Variants in PRKRIP1 observed in about 807,000 individuals in gnomAD.
The protein encoded by PRKRIP1 is PRKR-interacting protein 1.
Under a neutral mutation model 29.3 loss-of-function variants are expected in PRKRIP1, and 29 were observed. That is an observed-to-expected ratio of 0.99 (90% confidence interval 0.74 to 1.35). The LOEUF (loss-of-function observed/expected upper bound fraction) is 1.35, where lower values mean the gene tolerates loss of function less well. Among genes scored for constraint, PRKRIP1 ranks in the 40% most tolerant of loss-of-function variants. PRKRIP1 has a pLI of 0.00. For synonymous variants in PRKRIP1, 90 were observed against 85.1 expected, an observed-to-expected ratio of 1.06 and a Z score of -0.32; for missense variants, 247 against 236.8, an observed-to-expected ratio of 1.04 and a Z score of -0.28.
chr7:102,411,831 G>A (rs1365211376), intron 5 of PRKRIP1, among the ~76,000 whole-genome samples: 2 of 147,424 alleles, frequency 1.4e-5, no homozygotes, highest in South Asian at 4.3e-4. Context: ...TGTTTGTTTT[G>A]TTTTTAGGTA....
chr7:102,422,148 T>A (rs1244292185), intron 5 of PRKRIP1, among the ~76,000 whole-genome samples: 2 of 133,354 alleles, frequency 1.5e-5, no homozygotes, highest in African/African-American at 6.0e-5. Flanking sequence ...CACAAAATTA[T>A]TATTATTATT....
At chr7:102,412,865 C>T (rs1796426676) in intron 5 of PRKRIP1, among the ~76,000 whole-genome samples, 1 of 152,138 alleles carries the variant, frequency 6.6e-6, no homozygotes, top group South Asian at 2.1e-4. Context: ...GGAAGACTCC[C>T]GGCAGTGTGG....
intron 5 of PRKRIP1, among the ~76,000 whole-genome samples, chr7:102,421,425 G>A (rs1464262574): frequency 6.6e-6 from 1 of 151,862 alleles, no homozygotes; most frequent in Non-Finnish European, 1.5e-5. Flanking sequence ...CACACCCATA[G>A]TCTCAGCTAC....
intron 4 of PRKRIP1, among the ~76,000 whole-genome samples, chr7:102,405,363 G>T (rs1199511978): frequency 6.6e-6 from 1 of 152,184 alleles, no homozygotes; most frequent in Non-Finnish European, 1.5e-5. Context: ...GTTTACATAA[G>T]TGGTCTCTCA....
Position 102,399,800 on chromosome 7 carries a change from G to A in PRKRIP1, c.306+152G>A, listed in dbSNP as rs559021619. 4 of 593,120 alleles carry A rather than the reference G, an allele frequency of 6.7e-6. No homozygotes were observed. The African/African-American group carries it at 7.5e-5, about 11-fold the overall frequency. 36.7% of individuals were successfully genotyped at this position (593,120 alleles called of 1,614,324 possible). On this transcript the variant is annotated intron_variant, in intron 3 of 5. Coordinates refer to ENST00000397912, the MANE Select transcript of PRKRIP1 (RefSeq NM_024653.4). ...CCGAGGCAGGGGATCACCTGAGGTC[G>A]GGAGTTTGAGACCAGCCTGACCAAC... is the stretch of plus-strand genomic sequence containing the variant.
chr7:102,422,358 A>G (rs1352170532), intron 5 of PRKRIP1, among the ~76,000 whole-genome samples: 1 of 145,276 alleles, frequency 6.9e-6, no homozygotes, highest in Non-Finnish European at 1.5e-5. Flanking sequence ...TTTTTCTGAG[A>G]CAGAGTTTCA....
At chr7:102,412,181 T>G (rs1443880837) in intron 5 of PRKRIP1, among the ~76,000 whole-genome samples, 1 of 152,134 alleles carries the variant, frequency 6.6e-6, no homozygotes, top group Non-Finnish European at 1.5e-5. Flanking sequence ...CCTGAACATA[T>G]TAAAAAATGG....
chr7:102,404,384 T>G, intron 3 of PRKRIP1: 3 of 524,654 alleles, frequency 5.7e-6, no homozygotes, highest in Middle Eastern at 5.2e-4. Flanking sequence ...CTCAGTCAAC[T>G]AAAAGAGTTA....
At chr7:102,403,646 G>A (rs1044966027) in intron 3 of PRKRIP1, among the ~76,000 whole-genome samples, 2 of 152,160 alleles carry the variant, frequency 1.3e-5, no homozygotes, top group Non-Finnish European at 2.9e-5. Flanking sequence ...CAAAGTACTG[G>A]GATTACAGGC....
At chr7:102,411,216 A>G (rs1740440458) in intron 5 of PRKRIP1, among the ~76,000 whole-genome samples, 1 of 152,158 alleles carries the variant, frequency 6.6e-6, no homozygotes, top group African/African-American at 2.4e-5. Flanking sequence ...GGCCTGTGCC[A>G]CCACCCTCAG....
At chr7:102,410,231 C>T (rs2133184715) in intron 5 of PRKRIP1, among the ~76,000 whole-genome samples, 1 of 152,272 alleles carries the variant, frequency 6.6e-6, no homozygotes. Context: ...TGGGCATGTG[C>T]ACTGCTCTGG....
At chr7:102,398,527 C>T (rs1015789919) in intron 2 of PRKRIP1, among the ~76,000 whole-genome samples, 3 of 152,014 alleles carry the variant, frequency 2.0e-5, no homozygotes, top group African/African-American at 2.4e-5. Flanking sequence ...TCAGGTGATC[C>T]GCCCGCCTCA....
chr7:102,425,522 G>T lies in PRKRIP1; in HGVS notation c.*411G>T, dbSNP rs189934783. On this transcript the variant is annotated 3_prime_UTR_variant, in exon 6 of 6. Transcript: ENST00000397912. ...GGCTGAGATGCCACCATTCCCACGG[G>T]GACTGAAGACACATTACGTGGACCT... is the stretch of plus-strand genomic sequence containing the variant. 3.7e-5 allele frequency: 11 copies of T among 295,398 alleles called. No individual in the cohort carries two copies. The East Asian group carries it at 1.4e-3, about 39-fold the overall frequency. The allele number at this position is 295,398 out of a possible 1,614,324, so 18.3% of individuals were successfully genotyped here.
intron 5 of PRKRIP1, among the ~76,000 whole-genome samples, chr7:102,415,846 G>A (rs1796521135): frequency 6.6e-6 from 1 of 152,242 alleles, no homozygotes. Flanking sequence ...AACCCTGTCA[G>A]CAGCCCCAGT....
chr7:102,413,563 A>G (rs1554572745), intron 5 of PRKRIP1, among the ~76,000 whole-genome samples: 1 of 152,192 alleles, frequency 6.6e-6, no homozygotes, highest in Non-Finnish European at 1.5e-5. Context: ...GGAATTTGAG[A>G]CCAGTGTGGG....
At chr7:102,401,589 C>T (rs1026541861) in intron 3 of PRKRIP1, among the ~76,000 whole-genome samples, 3 of 152,106 alleles carry the variant, frequency 2.0e-5, no homozygotes, top group Non-Finnish European at 2.9e-5. Context: ...CAAAATTAGC[C>T]GGGCGTGGTG....
At chr7:102,406,953 C>T (rs1796243219) in intron 4 of PRKRIP1, among the ~76,000 whole-genome samples, 1 of 151,554 alleles carries the variant, frequency 6.6e-6, no homozygotes, top group African/African-American at 2.4e-5. Flanking sequence ...TGGTGGCTCA[C>T]ACCCGTAATC....
intron 5 of PRKRIP1, among the ~76,000 whole-genome samples, chr7:102,424,069 G>A (rs113370378): frequency 0.012 from 1,853 of 152,390 alleles, 30 homozygotes; most frequent in Admixed American, 0.031. Flanking sequence ...TTTCGCCAGC[G>A]CCGTGCGTGT....
At chr7:102,406,829 C>T (rs1281924439) in intron 4 of PRKRIP1, among the ~76,000 whole-genome samples, 5 of 149,418 alleles carry the variant, frequency 3.3e-5, no homozygotes, top group South Asian at 2.1e-4. Flanking sequence ...TGTCTAGCAT[C>T]GTTTTCATAG....
Sources: allele counts gnomAD v4.1 joint callset (sites outside exome capture counted in the v4.1 genomes callset), GRCh38; gene constraint gnomAD v4.1.1; transcripts MANE v1.5; gene names NCBI Gene and HGNC (gene_info 2026-07-23, HGNC 2026-07-21).